Variants in WDPCP observed in about 807,000 individuals in gnomAD.
The protein encoded by WDPCP is WD repeat-containing and planar cell polarity effector protein fritz homolog.
In WDPCP, 71 loss-of-function variants were observed where a neutral mutation model predicts 93.1. That is an observed-to-expected ratio of 0.76 (90% CI 0.63 to 0.93). The LOEUF is 0.93. Ranked by LOEUF, WDPCP falls within the 40% of genes least tolerant of loss-of-function variation. The pLI is 0.00. For missense variants in WDPCP, 844 were observed against 887.4 expected, an observed-to-expected ratio of 0.95 and a Z score of 0.62; for synonymous variants, 315 against 315.0, an observed-to-expected ratio of 1.00 and a Z score of 0.00.
At chr2:63,721,672 T>A (rs886689244) in intron 2 of WDPCP, among the ~76,000 whole-genome samples, 6 of 151,956 alleles carry the variant, frequency 3.9e-5, no homozygotes, top group African/African-American at 7.3e-5. Context: ...AGCCATTCCC[T>A]CTACTTAGAA....
At chr2:63,708,306 C>T (rs1669200159) in intron 2 of WDPCP, among the ~76,000 whole-genome samples, 1 of 152,178 alleles carries the variant, frequency 6.6e-6, no homozygotes, top group South Asian at 2.1e-4. Flanking sequence ...CTTTGTTTAC[C>T]TACTCAATCC....
intron 12 of WDPCP, among the ~76,000 whole-genome samples, chr2:63,359,451 T>C (rs988130483): frequency 6.6e-6 from 1 of 152,158 alleles, no homozygotes; most frequent in Non-Finnish European, 1.5e-5. Flanking sequence ...AAAATGCAAA[T>C]GAAAACCCCA....
intron 12 of WDPCP, among the ~76,000 whole-genome samples, chr2:63,328,365 C>T (rs1007883224): frequency 3.3e-5 from 5 of 152,236 alleles, no homozygotes; most frequent in Middle Eastern, 3.4e-3. Flanking sequence ...TGCAGCTGCT[C>T]ACTCTTTGGG....
rs573682302 is a variant in WDPCP at position 63,347,495 on chromosome 2, C to A, written c.1748+30891G>T. Among the ~76,000 whole-genome samples the A allele has an allele frequency of 1.1e-4, 16 of 152,232 alleles. No homozygotes were observed. In the South Asian group the frequency reaches 2.9e-3, roughly 28 times the overall value. ...GGACATGGAGCCTGGCAGTCTTGCTCCAAAACTCACACTCTTTACCATAGT... is the reference window on the plus strand; with the variant it reads ...GGACATGGAGCCTGGCAGTCTTGCTACAAAACTCACACTCTTTACCATAGT... On this transcript the variant is annotated intron_variant, in intron 12 of 17. Transcript: ENST00000272321.
chr2:63,588,167 A>AAAAC, intron 1 of WDPCP, 30 bp downstream of exon 1: 1 of 1,553,184 alleles, frequency 6.4e-7, no homozygotes, highest in Non-Finnish European at 8.7e-7. Context: ...AGGTTAAAAG[A>AAAAC]AAACCCCTTG....
At chr2:63,279,976 T>C (rs1683396732) in intron 13 of WDPCP, among the ~76,000 whole-genome samples, 1 of 152,016 alleles carries the variant, frequency 6.6e-6, no homozygotes, top group African/African-American at 2.4e-5. Context: ...AAAGAAATAA[T>C]AGACAACACA....
intron 14 of WDPCP, among the ~76,000 whole-genome samples, chr2:63,197,167 C>G (rs922627172): frequency 6.6e-6 from 1 of 152,080 alleles, no homozygotes; most frequent in Non-Finnish European, 1.5e-5. Context: ...TCCTCCTTCT[C>G]AGCCTACTCA....
intron 10 of WDPCP, among the ~76,000 whole-genome samples, chr2:63,390,210 T>G (rs1417072448): frequency 2.6e-5 from 4 of 152,084 alleles, no homozygotes; most frequent in African/African-American, 9.7e-5. Flanking sequence ...CAGACCACAG[T>G]GCAATCAAAT....
At chr2:63,291,560 G>T (rs1176397011) in intron 13 of WDPCP, among the ~76,000 whole-genome samples, 2 of 152,214 alleles carry the variant, frequency 1.3e-5, no homozygotes, top group Non-Finnish European at 2.9e-5. Context: ...TGTAATTCCA[G>T]CACTTTGGGA....
At chr2:63,294,321 G>GT (rs889249302) in intron 13 of WDPCP, among the ~76,000 whole-genome samples, 1 of 56 alleles carries the variant, frequency 0.018, no homozygotes, top group Non-Finnish European at 0.029. Context: ...CTGGCCAACA[G>GT]GGGAAACCCC....
chr2:63,300,073 A>G (rs956715313), intron 13 of WDPCP, among the ~76,000 whole-genome samples: 1 of 152,006 alleles, frequency 6.6e-6, no homozygotes, highest in African/African-American at 2.4e-5. Context: ...GAACCAATCT[A>G]TGAGCCCTAT....
intron 1 of WDPCP, among the ~76,000 whole-genome samples, chr2:63,575,296 TG>T (rs1707842718): frequency 6.7e-6 from 1 of 148,446 alleles, no homozygotes; most frequent in African/African-American, 2.5e-5. Flanking sequence ...ATATATAGTA[TG>T]TATATATATA....
At chr2:63,712,986 C>T (rs1558891827) in intron 2 of WDPCP, among the ~76,000 whole-genome samples, 1 of 152,146 alleles carries the variant, frequency 6.6e-6, no homozygotes, top group Non-Finnish European at 1.5e-5. Flanking sequence ...CTTGGGCTAG[C>T]CAGGGTTCTC....
At chr2:63,836,009 C>A in the WDPCP span, among the ~76,000 whole-genome samples, 2 of 152,160 alleles carry the variant, frequency 1.3e-5, no homozygotes, top group Non-Finnish European at 2.9e-5. Context: ...CGCCTGCCAC[C>A]AAGCCCAGCT....
chr2:63,654,830 A>G (rs1023077488), intron 2 of WDPCP, among the ~76,000 whole-genome samples: 1 of 62,944 alleles, frequency 1.6e-5, no homozygotes, highest in Non-Finnish European at 2.7e-5. Context: ...AATTTTGTAT[A>G]TTTTTATTTT....
chr2:63,534,446 A>G (rs1002622383), intron 1 of WDPCP, among the ~76,000 whole-genome samples: 26 of 152,198 alleles, frequency 1.7e-4, no homozygotes, highest in Admixed American at 5.2e-4. Context: ...ATGAACATCA[A>G]TGCAAAAATC....
intron 6 of WDPCP, among the ~76,000 whole-genome samples, chr2:63,468,693 G>A (rs1373071499): frequency 2.6e-5 from 4 of 152,016 alleles, no homozygotes; most frequent in African/African-American, 9.7e-5. Flanking sequence ...AGGCACCTAC[G>A]TTCTATTCCC....
intron 2 of WDPCP, among the ~76,000 whole-genome samples, chr2:63,657,468 A>G (rs1198269535): frequency 6.6e-6 from 1 of 152,052 alleles, no homozygotes; most frequent in Non-Finnish European, 1.5e-5. Context: ...GGCCTCCCAA[A>G]GTGCTGAGAT....
rs1669575661 is a variant in WDPCP at position 63,122,024 on chromosome 2, A to C, written c.2223T>G (p.Ile741Met). Residue 741 changes from isoleucine to methionine, a missense_variant, in exon 18 of 18, where the codon ATT (isoleucine) becomes ATG (methionine). By Grantham distance (10) the Ile-to-Met change is conservative. Transcript: ENST00000272321. The stretch of plus-strand genomic sequence containing the variant: ...TTAATGTTTACACCAGACCAAAGTG[A>C]ATCATTTTGAGAGAACCACCATCTC... ...EIRDGGSLKM[I>M]HFGLV 1.2e-6 allele frequency: 2 copies of C among 1,613,360 alleles called. No homozygotes were observed. The highest frequency in any genetic ancestry group is 2.2e-5 in the South Asian group (2 of 90,978).
Sources: allele counts gnomAD v4.1 joint callset (sites outside exome capture counted in the v4.1 genomes callset), GRCh38; gene constraint gnomAD v4.1.1; transcripts MANE v1.5; gene names NCBI Gene and HGNC (gene_info 2026-07-23, HGNC 2026-07-21).